TSPAN2: variants seen among roughly 807,000 people sequenced by gnomAD.
TSPAN2 encodes tetraspanin-2.
Under a neutral mutation model 33.3 loss-of-function variants are expected in TSPAN2, and 24 were observed. The observed-to-expected ratio is 0.72, with a 90% CI of 0.52 to 1.01. The LOEUF (loss-of-function observed/expected upper bound fraction) is 1.01. TSPAN2 is among the 50% of genes least tolerant of loss of function. TSPAN2 has a pLI of 0.00. For synonymous variants in TSPAN2, 114 were observed against 104.5 expected, an observed-to-expected ratio of 1.09 and a Z score of -0.56; for missense variants, 278 against 281.3, an observed-to-expected ratio of 0.99 and a Z score of 0.08.
rs1485415206 is a variant in TSPAN2 at position 115,049,644 on chromosome 1, G to C, written c.*846C>G. 6.6e-6 allele frequency: 1 copy of C among 152,554 alleles called. No individual in the cohort carries two copies. Among genetic ancestry groups the C allele is most frequent in the Non-Finnish European group, 1.5e-5 (1 of 68,006 alleles). 9.5% of individuals were successfully genotyped at this position (152,554 alleles called of 1,614,324 possible). A position where few individuals can be genotyped will look rare whatever the true frequency, so the allele number is the denominator to read the frequency against. ...AGTTTGACATAAAAGTCCCTTTGAG[G>C]ATGTGAGGGTTGCAGTAGTTTACAG... is the stretch of plus-strand genomic sequence containing the variant. On this transcript the variant is annotated 3_prime_UTR_variant, in exon 8 of 8. Coordinates refer to ENST00000369516, the MANE Select transcript of TSPAN2 (RefSeq NM_005725.6).
intron 1 of TSPAN2, among the ~76,000 whole-genome samples, chr1:115,085,044 C>T (rs575781299): frequency 3.0e-4 from 45 of 152,094 alleles, no homozygotes; most frequent in African/African-American, 8.9e-4. Context: ...GAATAAACAG[C>T]GCCCAGGTTT....
intron 7 of TSPAN2, among the ~76,000 whole-genome samples, chr1:115,053,095 C>T (rs1410555740): frequency 6.6e-6 from 1 of 152,136 alleles, no homozygotes; most frequent in African/African-American, 2.4e-5. Flanking sequence ...AACTGAAAAT[C>T]ATTTATCTAG....
rs1675201455 is a variant in TSPAN2, at chr1:115,048,026, A to C, written c.*2464T>G. ...AAACAAGCAATTTCAGTATATAGAA[A>C]ATTTAATATGAAATCACTTAAAATA... On this transcript the variant is annotated 3_prime_UTR_variant, in exon 8 of 8. Coordinates refer to ENST00000369516, the MANE Select transcript of TSPAN2 (RefSeq NM_005725.6). 6.6e-6 allele frequency: 1 copy of C among 152,014 alleles called. No individual in the cohort carries two copies. Among genetic ancestry groups the C allele is most frequent in the African/African-American group, 2.4e-5 (1 of 41,434 alleles). 9.4% of individuals were successfully genotyped at this position (152,014 alleles called of 1,614,324 possible). A position where few individuals can be genotyped will look rare whatever the true frequency, so the allele number is the denominator to read the frequency against.
At position 115,057,624 on chromosome 1, in the gene TSPAN2, AG is replaced by A; in HGVS notation, c.445-17del. ...AGCACTGAAACTAGAGAGTCAGAAA[AG>A]AGACTTCAGGACCAGGCGGGAGGAG... On this transcript the variant is annotated splice_polypyrimidine_tract_variant and intron_variant, in intron 5 of 7. Coordinates refer to ENST00000369516, the MANE Select transcript of TSPAN2 (RefSeq NM_005725.6). 1 of 1,613,658 alleles carries A rather than the reference AG, an allele frequency of 6.2e-7. No individual in the cohort carries two copies. Among genetic ancestry groups the A allele is most frequent in the Admixed American group, 1.7e-5 (1 of 60,016 alleles).
At chr1:115,071,019 G>A (rs751471178) in intron 2 of TSPAN2, among the ~76,000 whole-genome samples, 25 of 152,108 alleles carry the variant, frequency 1.6e-4, no homozygotes, top group Non-Finnish European at 3.4e-4. Flanking sequence ...ATACTTCCTG[G>A]AAACCATGTG....
At chr1:115,085,582 A>T (rs1036102462) in intron 1 of TSPAN2, among the ~76,000 whole-genome samples, 1 of 152,172 alleles carries the variant, frequency 6.6e-6, no homozygotes, top group African/African-American at 2.4e-5. Flanking sequence ...GTGTAAATTT[A>T]TACTTCAGTC....
chr1:115,063,018 G>A (rs926418527), intron 2 of TSPAN2, among the ~76,000 whole-genome samples: 2 of 152,172 alleles, frequency 1.3e-5, no homozygotes, highest in African/African-American at 4.8e-5. Flanking sequence ...TTTATTTCCT[G>A]CTGTTCTAGC....
At chr1:115,061,376 T>C (rs543861915) in intron 3 of TSPAN2, among the ~76,000 whole-genome samples, 1 of 152,358 alleles carries the variant, frequency 6.6e-6, no homozygotes, top group Admixed American at 6.5e-5. Flanking sequence ...TAGCAGTTAA[T>C]TGAAATTATT....
chr1:115,061,627 C>A (rs1647725258), intron 3 of TSPAN2, among the ~76,000 whole-genome samples: 1 of 152,170 alleles, frequency 6.6e-6, no homozygotes, highest in South Asian at 2.1e-4. Context: ...GACGTCATTT[C>A]TTTTCACACT....
chr1:115,050,779 C>G (rs1675293273), intron 7 of TSPAN2, among the ~76,000 whole-genome samples: 1 of 152,178 alleles, frequency 6.6e-6, no homozygotes, highest in Non-Finnish European at 1.5e-5. Flanking sequence ...TAACAAGGCT[C>G]TGCTTTAAAA....
chr1:115,059,126 G>A, intron 4 of TSPAN2, 145 bp from the exon 5 acceptor site: 1 of 685,826 alleles, frequency 1.5e-6, no homozygotes. Context: ...GGGGACTCAG[G>A]GGAAAGGGTA....
rs754466256 is a variant in TSPAN2, at chr1:115,062,210, G to A, written c.195C>T (p.Ala65=). The part of the protein sequence containing the change: ...FYVGLYVLVG[A]GALMMAVGFF... ...ACCCCACGGCCATCATCAGGGCCCCGGCTCCAACCAGAACATACAGCCCTG... is the reference window on the plus strand; with the variant it reads ...ACCCCACGGCCATCATCAGGGCCCCAGCTCCAACCAGAACATACAGCCCTG... The change falls in exon 3 of 8, where the codon GCC becomes GCT. Residue 65 remains alanine (A), a synonymous_variant. Coordinates refer to ENST00000369516, the MANE Select transcript of TSPAN2 (RefSeq NM_005725.6). The A allele has an allele frequency of 1.9e-5, 30 of 1,585,740 alleles. No homozygotes were observed. The Middle Eastern group carries it at 6.7e-4, about 35-fold the overall frequency.
chr1:115,055,352 G>A (rs59467677), intron 6 of TSPAN2, among the ~76,000 whole-genome samples: 61,599 of 150,804 alleles, frequency 0.41, 14,010 homozygotes, highest in Non-Finnish European at 0.52. Context: ...AAAAAGAAAT[G>A]TCTGTATTCT....
At chr1:115,053,606 G>A (rs1647273072) in intron 6 of TSPAN2, 144 bp from the exon 7 acceptor site, 1 of 707,420 alleles carries the variant, frequency 1.4e-6, no homozygotes. Flanking sequence ...ATTCATCTTT[G>A]ATAACATCAT....
rs1241701361 is a variant in TSPAN2 at position 115,049,353 on chromosome 1, T to C, written c.*1137A>G. 6.6e-6 allele frequency: 1 copy of C among 152,670 alleles called. No homozygotes were observed. The highest frequency in any genetic ancestry group is 1.5e-5 in the Non-Finnish European group (1 of 68,030). 9.5% of individuals were successfully genotyped at this position (152,670 alleles called of 1,614,324 possible). A position where few individuals can be genotyped will look rare whatever the true frequency, so the allele number is the denominator to read the frequency against. On this transcript the variant is annotated 3_prime_UTR_variant, in exon 8 of 8. Coordinates refer to ENST00000369516, the MANE Select transcript of TSPAN2 (RefSeq NM_005725.6). ...ACAACTAGGAGAAGATGCTTTTCTT[T>C]ATTTTGGTTTGGCCAAAGATGCTAA... is the stretch of plus-strand genomic sequence containing the variant.
At chr1:115,057,747 T>C in intron 5 of TSPAN2, 139 bp from the exon 6 acceptor site, 1 of 732,672 alleles carries the variant, frequency 1.4e-6, no homozygotes, top group South Asian at 1.5e-5. Context: ...CTGCTATTTC[T>C]GGAAGGAGAG....
chr1:115,074,062 A>G (rs748646275), intron 1 of TSPAN2, among the ~76,000 whole-genome samples: 11 of 152,198 alleles, frequency 7.2e-5, no homozygotes, highest in Admixed American at 3.3e-4. Flanking sequence ...TAATTCTGCT[A>G]GCCCATCCAG....
At chr1:115,060,574 A>C (rs180930216) in intron 3 of TSPAN2, 36 bp from the exon 4 acceptor site, 2 of 1,531,020 alleles carry the variant, frequency 1.3e-6, no homozygotes, top group East Asian at 4.5e-5. Flanking sequence ...TCATTAATTT[A>C]ATACCTTTTC....
Position 115,050,455 on chromosome 1 carries a change from A to G in TSPAN2, c.*35T>C, listed in dbSNP as rs763066303. On this transcript the variant is annotated 3_prime_UTR_variant, in exon 8 of 8. Transcript: ENST00000369516. ...ACAGCTCCTGTGACATTTGGTATGAAAGCTTTAGATTGCAATTTTCATGTA... is the reference window on the plus strand; with the variant it reads ...ACAGCTCCTGTGACATTTGGTATGAGAGCTTTAGATTGCAATTTTCATGTA... 1 of 1,593,348 alleles carries G rather than the reference A, an allele frequency of 6.3e-7. No individual in the cohort carries two copies. Among genetic ancestry groups the G allele is most frequent in the South Asian group, 1.1e-5 (1 of 90,538 alleles).
Sources: allele counts gnomAD v4.1 joint callset (sites outside exome capture counted in the v4.1 genomes callset), GRCh38; gene constraint gnomAD v4.1.1; transcripts MANE v1.5; gene names NCBI Gene and HGNC (gene_info 2026-07-23, HGNC 2026-07-21).